The following SLC35F1 variants were observed in gnomAD, a reference collection of about 807,000 sequenced individuals.
The protein encoded by SLC35F1 is solute carrier family 35 member F1.
SLC35F1 carries 14 observed loss-of-function variants against 48.7 expected under a neutral mutation model. That is an observed-to-expected ratio of 0.29 (90% CI 0.19 to 0.45). SLC35F1 has a LOEUF of 0.45. SLC35F1 is among the 20% of genes least tolerant of loss of function. The pLI is 1.00. For missense variants in SLC35F1, 404 were observed against 500.0 expected (o/e 0.81, Z 1.83); for synonymous variants, 190 against 202.2 (o/e 0.94, Z 0.51).
chr6:118,085,066 G>A (rs1469847326), intron 1 of SLC35F1, among the ~76,000 whole-genome samples: 1 of 150,896 alleles, frequency 6.6e-6, no homozygotes, highest in Non-Finnish European at 1.5e-5. Context: ...AGCAGAGACT[G>A]GGCCAAGCAG....
chr6:118,244,502 A>G (rs4946333), intron 3 of SLC35F1, among the ~76,000 whole-genome samples: 77,143 of 152,214 alleles, frequency 0.51, 19,961 homozygotes, highest in East Asian at 0.73. Flanking sequence ...AGAAATTTCT[A>G]GGGAAGGGCT....
intron 2 of SLC35F1, among the ~76,000 whole-genome samples, chr6:118,205,893 A>C (rs753184834): frequency 1.3e-5 from 2 of 152,218 alleles, no homozygotes; most frequent in African/African-American, 4.8e-5. Context: ...AAAAAGGACC[A>C]ATATCCTGTG....
chr6:118,243,009 T>C (rs561272475), intron 3 of SLC35F1, among the ~76,000 whole-genome samples: 9 of 152,308 alleles, frequency 5.9e-5, no homozygotes, highest in African/African-American at 2.2e-4. Context: ...TTTTATTTTC[T>C]GCACCACTCC....
intron 2 of SLC35F1, among the ~76,000 whole-genome samples, chr6:118,187,581 G>T (rs1774678023): frequency 6.6e-6 from 1 of 152,260 alleles, no homozygotes; most frequent in South Asian, 2.1e-4. Flanking sequence ...CAGCGCGTGG[G>T]TGGCTGGAGG....
intron 1 of SLC35F1, among the ~76,000 whole-genome samples, chr6:117,955,884 A>G (rs1249736924): frequency 6.6e-6 from 1 of 152,208 alleles, no homozygotes; most frequent in Non-Finnish European, 1.5e-5. Flanking sequence ...TAAAAAGCAG[A>G]AGTGAAAACA....
intron 1 of SLC35F1, among the ~76,000 whole-genome samples, chr6:118,065,657 G>A (rs901998009): frequency 1.1e-4 from 17 of 152,146 alleles, no homozygotes; most frequent in African/African-American, 3.1e-4. Flanking sequence ...TTCCTTATTG[G>A]AAGATTTACA....
At chr6:118,293,303 C>T (rs907021726) in intron 7 of SLC35F1, among the ~76,000 whole-genome samples, 1 of 152,144 alleles carries the variant, frequency 6.6e-6, no homozygotes, top group Non-Finnish European at 1.5e-5. Flanking sequence ...GTTCTGGAGG[C>T]TCTAGGGGAG....
At chr6:118,170,303 A>C (rs998154548) in intron 2 of SLC35F1, among the ~76,000 whole-genome samples, 1 of 152,242 alleles carries the variant, frequency 6.6e-6, no homozygotes, top group Non-Finnish European at 1.5e-5. Context: ...TCTAAGGCAC[A>C]TGCCCACTTT....
chr6:118,089,901 T>C (rs1359460458), intron 1 of SLC35F1, among the ~76,000 whole-genome samples: 2 of 152,152 alleles, frequency 1.3e-5, no homozygotes, highest in Non-Finnish European at 2.9e-5. Flanking sequence ...ATGCCTTAAT[T>C]CTTGACTCAA....
At chr6:118,086,732 G>T (rs1772996638) in intron 1 of SLC35F1, among the ~76,000 whole-genome samples, 2 of 152,080 alleles carry the variant, frequency 1.3e-5, no homozygotes, top group African/African-American at 4.8e-5. Context: ...CTCTTACTGA[G>T]GTTTCTGACT....
chr6:118,132,310 A>C (rs1484065961), intron 1 of SLC35F1, among the ~76,000 whole-genome samples: 1 of 152,186 alleles, frequency 6.6e-6, no homozygotes, highest in African/African-American at 2.4e-5. Flanking sequence ...AGTGCAATGC[A>C]TGTTTGGCAC....
chr6:118,172,230 A>G (rs1774416611), intron 2 of SLC35F1, among the ~76,000 whole-genome samples: 1 of 152,104 alleles, frequency 6.6e-6, no homozygotes, highest in East Asian at 1.9e-4. Context: ...GACATCTTCC[A>G]ACATTTGGAT....
intron 1 of SLC35F1, among the ~76,000 whole-genome samples, chr6:117,923,031 G>C (rs928109447): frequency 6.6e-6 from 1 of 151,952 alleles, no homozygotes; most frequent in Admixed American, 6.6e-5. Flanking sequence ...CATTTCACCA[G>C]ATTTTCAGAG....
intron 7 of SLC35F1, among the ~76,000 whole-genome samples, chr6:118,312,726 C>T (rs1192385335): frequency 1.3e-5 from 2 of 152,090 alleles, no homozygotes; most frequent in African/African-American, 4.8e-5. Flanking sequence ...TTTTTATGAG[C>T]CATTTTCAAG....
chr6:118,216,148 G>C (rs989716794), intron 2 of SLC35F1, among the ~76,000 whole-genome samples: 14 of 149,860 alleles, frequency 9.3e-5, no homozygotes, highest in Non-Finnish European at 2.1e-4. Flanking sequence ...CAAAATCACA[G>C]TTCACTGCAA....
intron 1 of SLC35F1, among the ~76,000 whole-genome samples, chr6:117,914,343 T>C (rs901667668): frequency 3.3e-5 from 5 of 150,670 alleles, no homozygotes; most frequent in African/African-American, 1.2e-4. Context: ...TTTAAAAAAA[T>C]AGAGAAACCT....
At chr6:117,917,210 C>T (rs1361623595) in intron 1 of SLC35F1, among the ~76,000 whole-genome samples, 1 of 151,872 alleles carries the variant, frequency 6.6e-6, no homozygotes, top group African/African-American at 2.4e-5. Flanking sequence ...TAAGATGAAA[C>T]AAGTCTTCAT....
intron 6 of SLC35F1, among the ~76,000 whole-genome samples, chr6:118,277,942 G>T (rs1180002957): frequency 6.6e-6 from 1 of 152,118 alleles, no homozygotes; most frequent in Non-Finnish European, 1.5e-5. Context: ...GAAAAAAACT[G>T]AACTTAACAA....
chr6:118,093,994 C>T (rs114151679), intron 1 of SLC35F1, among the ~76,000 whole-genome samples: 1,711 of 152,240 alleles, frequency 0.011, 28 homozygotes, highest in African/African-American at 0.039. Flanking sequence ...AGTTCTGAAG[C>T]GATGCATGTA....
Sources: allele counts gnomAD v4.1 joint callset (sites outside exome capture counted in the v4.1 genomes callset), GRCh38; gene constraint gnomAD v4.1.1; transcripts MANE v1.5; gene names NCBI Gene and HGNC (gene_info 2026-07-23, HGNC 2026-07-21).